DPP10: variants seen among roughly 807,000 people sequenced by gnomAD.
DPP10 encodes inactive dipeptidyl peptidase 10.
A neutral mutation model predicts 120.9 loss-of-function variants in DPP10; 33 were observed. The ratio of observed to expected loss-of-function variants is 0.27; its 90% CI spans 0.21 to 0.37. The LOEUF is 0.37. DPP10 is among the 10% of genes least tolerant of loss of function. DPP10 has a pLI of 1.00. For synonymous variants in DPP10, 337 were observed against 326.1 expected (o/e 1.03, Z -0.36); for missense variants, 816 against 942.8 (o/e 0.87, Z 1.76).
At chr2:115,407,534 C>T (rs1284395142) in intron 3 of DPP10, among the ~76,000 whole-genome samples, 1 of 152,116 alleles carries the variant, frequency 6.6e-6, no homozygotes, top group African/African-American at 2.4e-5. Flanking sequence ...TTGGAGTCTG[C>T]TGGCCTGAAG....
At chr2:115,279,872 G>T (rs528539041) in intron 1 of DPP10, among the ~76,000 whole-genome samples, 1 of 151,702 alleles carries the variant, frequency 6.6e-6, no homozygotes, top group East Asian at 1.9e-4. Context: ...ATGTTGACCA[G>T]GCTGGTCTTG....
intron 1 of DPP10, among the ~76,000 whole-genome samples, chr2:114,506,562 C>A (rs1319836721): frequency 6.6e-6 from 1 of 152,122 alleles, no homozygotes; most frequent in East Asian, 1.9e-4. Context: ...GTTGAAAGGG[C>A]ACTGTAACAC....
chr2:114,557,774 AG>A (rs1688443247), intron 1 of DPP10, among the ~76,000 whole-genome samples: 1 of 152,158 alleles, frequency 6.6e-6, no homozygotes, highest in Non-Finnish European at 1.5e-5. Flanking sequence ...GAAAGGAAAA[AG>A]TGTGGGTAAT....
At chr2:114,619,793 G>A (rs942071345) in intron 1 of DPP10, among the ~76,000 whole-genome samples, 1 of 151,668 alleles carries the variant, frequency 6.6e-6, no homozygotes, top group African/African-American at 2.4e-5. Flanking sequence ...CTTCTGCAGG[G>A]GGCTCAGATT....
intron 5 of DPP10, among the ~76,000 whole-genome samples, chr2:115,662,952 T>C (rs2089125214): frequency 6.6e-6 from 1 of 152,092 alleles, no homozygotes; most frequent in South Asian, 2.1e-4. Flanking sequence ...TTCACTTTTC[T>C]TGCATGTAGA....
chr2:115,178,870 A>C (rs2053885218), intron 1 of DPP10, among the ~76,000 whole-genome samples: 1 of 152,234 alleles, frequency 6.6e-6, no homozygotes, highest in Non-Finnish European at 1.5e-5. Context: ...AATGCATCAT[A>C]AATTGAAACT....
chr2:114,846,434 C>A (rs1432178466), intron 1 of DPP10, among the ~76,000 whole-genome samples: 1 of 152,132 alleles, frequency 6.6e-6, no homozygotes, highest in Non-Finnish European at 1.5e-5. Context: ...TCAATTGCAA[C>A]AATAAATCTG....
chr2:115,023,328 T>A (rs1703211755), intron 1 of DPP10, among the ~76,000 whole-genome samples: 1 of 149,090 alleles, frequency 6.7e-6, no homozygotes, highest in Admixed American at 6.7e-5. Flanking sequence ...AAGAGTGGGC[T>A]AAGGACATGA....
chr2:115,766,601 G>C (rs1272851664), intron 12 of DPP10, among the ~76,000 whole-genome samples: 1 of 151,886 alleles, frequency 6.6e-6, no homozygotes, highest in African/African-American at 2.4e-5. Flanking sequence ...GGTGTTAGTT[G>C]CTGTATTAGT....
chr2:115,001,554 G>C (rs1251479457), intron 1 of DPP10, among the ~76,000 whole-genome samples: 1 of 152,024 alleles, frequency 6.6e-6, no homozygotes, highest in Admixed American at 6.6e-5. Context: ...GAGCAATCAG[G>C]CAAGAGAAAG....
At chr2:115,794,119 A>G (rs1684286629) in intron 19 of DPP10, among the ~76,000 whole-genome samples, 1 of 152,222 alleles carries the variant, frequency 6.6e-6, no homozygotes, top group Non-Finnish European at 1.5e-5. Context: ...AGACAGTGAT[A>G]AACAATAGAG....
At chr2:115,700,774 C>T (rs1284846867) in intron 7 of DPP10, among the ~76,000 whole-genome samples, 1 of 151,974 alleles carries the variant, frequency 6.6e-6, no homozygotes, top group Non-Finnish European at 1.5e-5. Flanking sequence ...AAATCATATA[C>T]ATTTGTAAGT....
In DPP10 at chr2:115,751,861, C is replaced by T. The variant is rs758761661; in HGVS notation, c.951-1313C>T. Among the ~76,000 whole-genome samples the T allele has an allele frequency of 4.6e-5, 7 of 150,960 alleles. 1 individual carries two copies. In the East Asian group the frequency reaches 5.8e-4, roughly 13 times the overall value. ...TCGCCCAGGCTGTAGGGCAGTGGCA[C>T]GATCTCGGCTCACTGCAACCTCTGC... is the stretch of plus-strand genomic sequence containing the variant. On this transcript the variant is annotated intron_variant, in intron 10 of 25. Coordinates refer to ENST00000410059, the MANE Select transcript of DPP10 (RefSeq NM_020868.6).
intron 2 of DPP10, among the ~76,000 whole-genome samples, chr2:115,321,110 G>A (rs1229609081): frequency 3.3e-5 from 5 of 152,110 alleles, no homozygotes; most frequent in Admixed American, 2.0e-4. Flanking sequence ...GACCAGCCTG[G>A]CCAACATGGC....
intron 19 of DPP10, among the ~76,000 whole-genome samples, chr2:115,813,344 G>C (rs535121593): frequency 1.3e-5 from 2 of 152,134 alleles, no homozygotes; most frequent in African/African-American, 2.4e-5. Flanking sequence ...GCTCTCCTTG[G>C]GTTGCAGACG....
intron 4 of DPP10, among the ~76,000 whole-genome samples, chr2:115,513,495 CT>C (rs1195045471): frequency 6.6e-6 from 1 of 151,586 alleles, no homozygotes; most frequent in East Asian, 1.9e-4. Flanking sequence ...TAGATATTTT[CT>C]GCTGTATCTT....
intron 5 of DPP10, among the ~76,000 whole-genome samples, chr2:115,533,101 G>C (rs2078573556): frequency 6.6e-6 from 1 of 151,848 alleles, no homozygotes; most frequent in Admixed American, 6.6e-5. Context: ...ATGTCAAGTA[G>C]ACTAGTTAAC....
At chr2:114,542,049 C>T (rs1897100) in intron 1 of DPP10, among the ~76,000 whole-genome samples, 139,404 of 141,572 alleles carry the variant, frequency 0.98, 68,659 homozygotes, top group Middle Eastern at 1. Context: ...TCTTTCTTTC[C>T]TTTTTTTTTT....
chr2:115,584,511 G>A (rs2082175252), intron 5 of DPP10, among the ~76,000 whole-genome samples: 1 of 152,196 alleles, frequency 6.6e-6, no homozygotes, highest in South Asian at 2.1e-4. Flanking sequence ...GACCATACAT[G>A]GCCTGCGAAA....
Sources: allele counts gnomAD v4.1 joint callset (sites outside exome capture counted in the v4.1 genomes callset), GRCh38; gene constraint gnomAD v4.1.1; transcripts MANE v1.5; gene names NCBI Gene and HGNC (gene_info 2026-07-23, HGNC 2026-07-21).